Variants in MYLK observed in about 807,000 individuals in gnomAD.
MYLK encodes the protein myosin light chain kinase.
MYLK carries 106 observed loss-of-function variants against 203.4 expected under a neutral mutation model. That is an observed-to-expected ratio of 0.52 (90% CI 0.45 to 0.61). The LOEUF is 0.61. Among genes scored for constraint, MYLK ranks in the 20% least tolerant of loss-of-function variants. The pLI is 0.00. For synonymous variants in MYLK, 867 were observed against 959.5 expected (o/e 0.90, Z 1.78); for missense variants, 2,072 against 2,442.3 (o/e 0.85, Z 3.20).
rs775418903 is a variant in MYLK, at chr3:123,629,987, G to A, written c.4962-361C>T. Among the ~76,000 whole-genome samples, 6 of 151,844 alleles carry A rather than the reference G, an allele frequency of 4.0e-5. No homozygotes were observed. The highest frequency in any genetic ancestry group is 7.4e-5 in the Non-Finnish European group (5 of 67,962). On this transcript the variant is annotated intron_variant, in intron 29 of 33. Coordinates refer to ENST00000360304, the MANE Select transcript of MYLK (RefSeq NM_053025.4). The surrounding 1 kb of genome is among the most constrained non-coding windows in gnomAD (Gnocchi z 4.4). ...AGCCTTCTCCAAGCCCCTTCCTCCCGTGCTCCTGCCCCCTCTCTGTGGACT... is the reference window on the plus strand; with the variant it reads ...AGCCTTCTCCAAGCCCCTTCCTCCCATGCTCCTGCCCCCTCTCTGTGGACT...
At chr3:123,754,684 G>A (rs879605380) in intron 4 of MYLK, among the ~76,000 whole-genome samples, 10 of 152,198 alleles carry the variant, frequency 6.6e-5, no homozygotes, top group Non-Finnish European at 5.9e-5. Flanking sequence ...TTAGGATTGT[G>A]AGTCTCCTCC....
intron 12 of MYLK, among the ~76,000 whole-genome samples, chr3:123,723,247 G>A (rs1430747014): frequency 6.6e-6 from 1 of 152,186 alleles, no homozygotes; most frequent in Non-Finnish European, 1.5e-5. Flanking sequence ...TCGTCTCCCT[G>A]CAATGCAGTG....
At chr3:123,636,964 G>A (rs1275851593) in intron 29 of MYLK, among the ~76,000 whole-genome samples, 1 of 152,162 alleles carries the variant, frequency 6.6e-6, no homozygotes, top group Admixed American at 6.5e-5. Flanking sequence ...CACCACTTCT[G>A]CTAAAGCTTT....
At chr3:123,656,881 TC>T in intron 24 of MYLK, among the ~76,000 whole-genome samples, 1 of 152,182 alleles carries the variant, frequency 6.6e-6, no homozygotes. Flanking sequence ...TAACATACCA[TC>T]ACCCCCTGGT....
chr3:123,753,291 T>C (rs533842301), intron 4 of MYLK, among the ~76,000 whole-genome samples: 1 of 152,334 alleles, frequency 6.6e-6, no homozygotes, highest in East Asian at 1.9e-4. Flanking sequence ...TCAGATTAAT[T>C]TCAGTTGTTT....
chr3:123,874,893 C>T (rs1438081748), intron 2 of MYLK, among the ~76,000 whole-genome samples: 1 of 152,080 alleles, frequency 6.6e-6, no homozygotes, highest in Non-Finnish European at 1.5e-5. Flanking sequence ...TGTTCAACAT[C>T]AGTAGTCACT....
chr3:123,813,827 A>G (rs892380989), intron 3 of MYLK, among the ~76,000 whole-genome samples: 2 of 152,146 alleles, frequency 1.3e-5, no homozygotes, highest in South Asian at 2.1e-4. Flanking sequence ...CGGCCTCTTA[A>G]GCACTAGAGG....
chr3:123,661,187 G>A (rs1167465968), intron 23 of MYLK, among the ~76,000 whole-genome samples: 4 of 152,196 alleles, frequency 2.6e-5, no homozygotes, highest in East Asian at 1.9e-4. Context: ...AGTGGTGATC[G>A]GAGGAGGGGA....
At chr3:123,785,217 CA>C (rs1279238530) in intron 4 of MYLK, among the ~76,000 whole-genome samples, 1 of 152,232 alleles carries the variant, frequency 6.6e-6, no homozygotes, top group Admixed American at 6.5e-5. Flanking sequence ...GCTATGAATG[CA>C]TTCTCTTTGG....
chr3:123,859,912 T>C (rs141891841), intron 2 of MYLK, among the ~76,000 whole-genome samples: 4 of 150,768 alleles, frequency 2.7e-5, no homozygotes, highest in African/African-American at 9.8e-5. Flanking sequence ...AAAAAACAGA[T>C]ACATATATAA....
rs186589886 is a variant in MYLK, at chr3:123,838,118, C to T, written c.-126-6448G>A. ...ATACAAACAAAAACAACCAAACACA[C>T]CTAGGCATATAATCTTCAAGTGGCT... On this transcript the variant is annotated intron_variant, in intron 2 of 33. Coordinates refer to ENST00000360304, the MANE Select transcript of MYLK (RefSeq NM_053025.4). 2.9e-4 allele frequency among the ~76,000 whole-genome samples: 44 copies of T among 152,136 alleles called. 1 individual carries two copies. The highest frequency in any genetic ancestry group is 1.0e-3 in the African/African-American group (43 of 41,504).
intron 29 of MYLK, among the ~76,000 whole-genome samples, chr3:123,633,679 G>T (rs2058525347): frequency 6.6e-6 from 1 of 152,162 alleles, no homozygotes; most frequent in Non-Finnish European, 1.5e-5. Context: ...GAAACACAAT[G>T]GTCATGAATG....
intron 4 of MYLK, among the ~76,000 whole-genome samples, chr3:123,766,503 T>A (rs2063709070): frequency 6.6e-6 from 1 of 152,262 alleles, no homozygotes; most frequent in South Asian, 2.1e-4. Context: ...TAATATAGCA[T>A]CTGCCCCAGG....
At chr3:123,667,906 G>C (rs1272913427) in intron 20 of MYLK, among the ~76,000 whole-genome samples, 2 of 152,014 alleles carry the variant, frequency 1.3e-5, no homozygotes, top group Non-Finnish European at 1.5e-5. Flanking sequence ...GTGGATCCAA[G>C]GGTCGCAAGC....
intron 20 of MYLK, among the ~76,000 whole-genome samples, chr3:123,678,756 CTG>C (rs1253854079): frequency 6.6e-6 from 1 of 151,990 alleles, no homozygotes; most frequent in Admixed American, 6.6e-5. Flanking sequence ...GGTATACAGA[CTG>C]TGCAATTCCA....
chr3:123,660,661 T>C, intron 23 of MYLK, among the ~76,000 whole-genome samples: 1 of 152,136 alleles, frequency 6.6e-6, no homozygotes, highest in Admixed American at 6.6e-5. Context: ...CCAGAGAGGA[T>C]CTGAAAAGAA....
At position 123,765,399 on chromosome 3, in the gene MYLK, C is replaced by T. The variant is rs112162108; in HGVS notation, c.166-12861G>A. Among the ~76,000 whole-genome samples the T allele has an allele frequency of 2.5e-3, 373 of 151,940 alleles. 2 individuals carry two copies. The highest frequency in any genetic ancestry group is 8.4e-3 in the African/African-American group (350 of 41,438). On this transcript the variant is annotated intron_variant, in intron 4 of 33. Transcript: ENST00000360304. ...TTCAAAAATTAGCCGGGGGTGGTGG[C>T]GCATGCCTGTAATCCCAGCTACTTG...
intron 20 of MYLK, among the ~76,000 whole-genome samples, chr3:123,670,028 C>A (rs1476473220): frequency 8.0e-6 from 1 of 124,966 alleles, no homozygotes; most frequent in Non-Finnish European, 1.6e-5. Flanking sequence ...GAGCGAGACT[C>A]CATCTCAAAA....
chr3:123,677,236 G>A (rs998993375), intron 20 of MYLK, among the ~76,000 whole-genome samples: 24 of 152,164 alleles, frequency 1.6e-4, no homozygotes, highest in Admixed American at 1.2e-3. Flanking sequence ...TCCATCCAAC[G>A]GGCTGATGCT....
Sources: allele counts gnomAD v4.1 joint callset (sites outside exome capture counted in the v4.1 genomes callset), GRCh38; gene constraint gnomAD v4.1.1; non-coding constraint Gnocchi (gnomAD v3.1); transcripts MANE v1.5; gene names NCBI Gene and HGNC (gene_info 2026-07-23, HGNC 2026-07-21).